Variants in UBA2 observed in about 807,000 individuals in gnomAD.
The protein encoded by UBA2 is SUMO-activating enzyme subunit 2.
UBA2 carries 11 observed loss-of-function variants against 77.2 expected under a neutral mutation model. The ratio of observed to expected loss-of-function variants is 0.14; its 90% CI spans 0.09 to 0.24. The LOEUF is 0.24. Ranked by LOEUF, UBA2 falls within the 10% of genes least tolerant of loss-of-function variation. The pLI, the probability that UBA2 is intolerant of heterozygous loss-of-function variation, is 1.00. For missense variants in UBA2, 487 were observed against 781.7 expected, an observed-to-expected ratio of 0.62 and a Z score of 4.50; for synonymous variants, 278 against 276.7, an observed-to-expected ratio of 1.00 and a Z score of -0.05.
At chr19:34,463,961 A>T in intron 14 of UBA2, 65 bp from the exon 15 acceptor site, 8 of 1,231,374 alleles carry the variant, frequency 6.5e-6, no homozygotes, top group Non-Finnish European at 9.6e-6. Flanking sequence ...TTAGCTTTTT[A>T]AAAAATCAAC....
intron 13 of UBA2, 25 bp from the exon 14 acceptor site, chr19:34,460,445 T>C: frequency 7.0e-7 from 1 of 1,420,306 alleles, no homozygotes; most frequent in Non-Finnish European, 9.7e-7. Context: ...GTTAATATTT[T>C]GAATCCTTTT....
At chr19:34,454,885 A>G (rs1377041318) in intron 12 of UBA2, among the ~76,000 whole-genome samples, 3 of 152,130 alleles carry the variant, frequency 2.0e-5, no homozygotes, top group Non-Finnish European at 4.4e-5. Flanking sequence ...TTGCTTGGTC[A>G]TTTTATAGTC....
At chr19:34,449,839 C>G (rs1005257703) in intron 8 of UBA2, among the ~76,000 whole-genome samples, 2 of 152,242 alleles carry the variant, frequency 1.3e-5, no homozygotes, top group Admixed American at 6.5e-5. Context: ...GTGTGCATGT[C>G]CCCATGAGCT....
intron 15 of UBA2, among the ~76,000 whole-genome samples, chr19:34,465,427 AG>A (rs776091327): frequency 3.9e-5 from 6 of 152,008 alleles, no homozygotes; most frequent in Non-Finnish European, 5.9e-5. Context: ...TCACGAGGTC[AG>A]GAGTTCAAGA....
rs373529655 is a variant in UBA2 at position 34,430,859 on chromosome 19, G to T, written c.222+200G>T. 9.2e-5 allele frequency among the ~76,000 whole-genome samples: 14 copies of T among 152,252 alleles called. No homozygotes were observed. In the East Asian group the frequency reaches 1.3e-3, roughly 15 times the overall value. On this transcript the variant is annotated intron_variant, in intron 2 of 16. Coordinates refer to ENST00000246548, the MANE Select transcript of UBA2 (RefSeq NM_005499.3). ...TTTGTTCTAAAAAGGAAATAATCCC[G>T]TGATGGTGTAACTTTCATGGCCTCT...
At chr19:34,437,017 T>C (rs989537749) in intron 5 of UBA2, among the ~76,000 whole-genome samples, 1 of 152,188 alleles carries the variant, frequency 6.6e-6, no homozygotes, top group African/African-American at 2.4e-5. Context: ...GAAAGCATAT[T>C]GGAAGGCTGA....
chr19:34,458,105 AGGGACACCAGCT>A (rs2075587961), intron 12 of UBA2, among the ~76,000 whole-genome samples: 1 of 152,120 alleles, frequency 6.6e-6, no homozygotes, highest in Non-Finnish European at 1.5e-5. Context: ...AGCCTCAGGG[AGGGACACCAGCT>A]GCTGATACAA....
chr19:34,437,083 A>G (rs1216001642), intron 5 of UBA2, among the ~76,000 whole-genome samples: 1 of 152,020 alleles, frequency 6.6e-6, no homozygotes, highest in African/African-American at 2.4e-5. Flanking sequence ...ATTTATATTA[A>G]AACAGTATTT....
chr19:34,467,681 C>G (rs1032948051), intron 16 of UBA2, among the ~76,000 whole-genome samples: 10 of 152,136 alleles, frequency 6.6e-5, no homozygotes, highest in Non-Finnish European at 1.3e-4. Context: ...GAGGCTGAGG[C>G]AGGAGGCGGA....
intron 16 of UBA2, 76 bp downstream of exon 16, chr19:34,467,090 T>C: frequency 4.5e-6 from 7 of 1,542,898 alleles, no homozygotes; most frequent in Non-Finnish European, 6.2e-6. Context: ...ATTAGGAACA[T>C]TGACCATAAA....
intron 8 of UBA2, among the ~76,000 whole-genome samples, chr19:34,450,045 T>C (rs2075475375): frequency 6.6e-6 from 1 of 152,232 alleles, no homozygotes; most frequent in Admixed American, 6.5e-5. Context: ...TTACTCTGCA[T>C]TCCTCAGAGC....
intron 6 of UBA2, among the ~76,000 whole-genome samples, chr19:34,440,140 A>C (rs1000234210): frequency 6.6e-6 from 1 of 152,054 alleles, no homozygotes; most frequent in African/African-American, 2.4e-5. Context: ...CCTGGCCAAC[A>C]TGGCGAAACC....
intron 5 of UBA2, 131 bp downstream of exon 5, chr19:34,435,099 T>G (rs2075294523): frequency 1.5e-6 from 1 of 664,288 alleles, no homozygotes; most frequent in East Asian, 3.2e-5. Flanking sequence ...TATGCTTATA[T>G]AAAACTTAAA....
chr19:34,440,855 G>A (rs1195045030), intron 6 of UBA2, among the ~76,000 whole-genome samples: 8 of 151,416 alleles, frequency 5.3e-5, no homozygotes, highest in African/African-American at 1.9e-4. Context: ...GAACCCGGGA[G>A]GTGGAGGCTG....
intron 15 of UBA2, among the ~76,000 whole-genome samples, chr19:34,466,087 G>C (rs981479964): frequency 6.6e-6 from 1 of 152,052 alleles, no homozygotes; most frequent in Non-Finnish European, 1.5e-5. Context: ...TGTAATCCCA[G>C]CACTTTGGGA....
chr19:34,440,409 CTA>C (rs1231201501), intron 6 of UBA2, among the ~76,000 whole-genome samples: 1 of 152,050 alleles, frequency 6.6e-6, no homozygotes, highest in Non-Finnish European at 1.5e-5. Flanking sequence ...TGCACCGAAC[CTA>C]TGTTATTTTT....
intron 3 of UBA2, 29 bp downstream of exon 3, chr19:34,431,960 T>TGTATAAA (rs3217243): frequency 0.92 from 1,424,925 of 1,553,272 alleles, 655,549 homozygotes; most frequent in African/African-American, 0.99. Context: ...ATTGCAAAGT[T>TGTATAAA]GTATAAGGGT....
At chr19:34,438,220 CAA>C (rs35061343) in intron 5 of UBA2, among the ~76,000 whole-genome samples, 2,544 of 133,962 alleles carry the variant, frequency 0.019, 22 homozygotes, top group Non-Finnish European at 0.026. Context: ...TAGTTTTGCT[CAA>C]AAAAAAAAAA....
intron 12 of UBA2, among the ~76,000 whole-genome samples, chr19:34,458,018 A>T (rs181973036): frequency 7.2e-5 from 11 of 152,298 alleles, no homozygotes; most frequent in Non-Finnish European, 1.3e-4. Flanking sequence ...GATTCTAGAC[A>T]ACTGTGAAAG....
Sources: allele counts gnomAD v4.1 joint callset (sites outside exome capture counted in the v4.1 genomes callset), GRCh38; gene constraint gnomAD v4.1.1; transcripts MANE v1.5; gene names NCBI Gene and HGNC (gene_info 2026-07-23, HGNC 2026-07-21).